Variants in DLGAP4 observed in about 807,000 individuals in gnomAD.
DLGAP4 encodes disks large-associated protein 4.
In DLGAP4, 18 loss-of-function variants were observed where a neutral mutation model predicts 86.9. The observed-to-expected ratio is 0.21, with a 90% CI of 0.14 to 0.31. DLGAP4 has a LOEUF of 0.31. Among genes scored for constraint, DLGAP4 ranks in the 10% least tolerant of loss-of-function variants. The pLI, the probability that DLGAP4 is intolerant of heterozygous loss-of-function variation, is 1.00. For missense variants in DLGAP4, 1,085 were observed against 1,362.6 expected (o/e 0.80, Z 3.21); for synonymous variants, 548 against 574.3 (o/e 0.95, Z 0.65).
At chr20:36,472,762 G>C (rs1035323009) in intron 7 of DLGAP4, among the ~76,000 whole-genome samples, 1 of 152,186 alleles carries the variant, frequency 6.6e-6, no homozygotes, top group African/African-American at 2.4e-5. Flanking sequence ...TGGCAAAGCA[G>C]GAAGCAGCCA....
intron 7 of DLGAP4, among the ~76,000 whole-genome samples, chr20:36,470,287 G>A (rs2147660227): frequency 6.6e-6 from 1 of 152,136 alleles, no homozygotes; most frequent in Non-Finnish European, 1.5e-5. Flanking sequence ...GTCTTCCCTG[G>A]CACTCTCCTC....
chr20:36,384,149 T>C (rs2031511578), intron 2 of DLGAP4, among the ~76,000 whole-genome samples: 1 of 152,096 alleles, frequency 6.6e-6, no homozygotes, highest in African/African-American at 2.4e-5. Context: ...GCTGTGCTGT[T>C]TGGGGTGCGG....
intron 12 of DLGAP4, among the ~76,000 whole-genome samples, chr20:36,526,440 G>T (rs993708348): frequency 7.9e-5 from 12 of 152,064 alleles, no homozygotes; most frequent in African/African-American, 2.9e-4. Context: ...CCGTGGCCCT[G>T]TCTAATCCCC....
At chr20:36,436,455 C>T (rs1296486348) in intron 4 of DLGAP4, 105 bp downstream of exon 4, 10 of 1,420,228 alleles carry the variant, frequency 7.0e-6, no homozygotes, top group Non-Finnish European at 8.3e-6. Flanking sequence ...GCCCCGCCTG[C>T]GTGGGAGCCA....
At chr20:36,426,877 G>T (rs1480981912) in intron 2 of DLGAP4, among the ~76,000 whole-genome samples, 1 of 151,978 alleles carries the variant, frequency 6.6e-6, no homozygotes, top group Non-Finnish European at 1.5e-5. Context: ...TTGCTTTTGG[G>T]GTTATGAAAA....
chr20:36,309,775 A>C (rs1436757046), intron 1 of DLGAP4, among the ~76,000 whole-genome samples: 2 of 152,150 alleles, frequency 1.3e-5, no homozygotes, highest in African/African-American at 4.8e-5. Context: ...TCCATTTCCT[A>C]GTCCTCTGTC....
rs927597097 is a variant in DLGAP4, at chr20:36,431,296, GGAAA to G, written c.-72-347_-72-344del. 2.0e-5 allele frequency among the ~76,000 whole-genome samples: 3 copies of G among 151,900 alleles called. No individual in the cohort carries two copies. The highest frequency in any genetic ancestry group is 4.4e-5 in the Non-Finnish European group (3 of 68,016). ...CGGGGTGAGGGACAGAGTCAGAAAC[GGAAA>G]GAGAGTGGAGGATGGGCAGCCCCCC... On this transcript the variant is annotated intron_variant, in intron 2 of 12. Coordinates refer to ENST00000339266, the MANE Select transcript of DLGAP4 (RefSeq NM_001365621.2). The surrounding 1 kb of genome is among the most constrained non-coding windows in gnomAD (Gnocchi z 5.1).
In DLGAP4 at chr20:36,527,962, T is replaced by C. The variant is rs1379709434; in HGVS notation, c.*931T>C. 1 of 152,070 alleles carries C rather than the reference T, an allele frequency of 6.6e-6. No homozygotes were observed. Among genetic ancestry groups the C allele is most frequent in the Non-Finnish European group, 1.5e-5 (1 of 67,944 alleles). The allele number at this position is 152,070 out of a possible 1,614,324, so 9.4% of individuals were successfully genotyped here. A position where few individuals can be genotyped will look rare whatever the true frequency, so the allele number is the denominator to read the frequency against. On this transcript the variant is annotated 3_prime_UTR_variant, in exon 13 of 13. Coordinates refer to ENST00000339266, the MANE Select transcript of DLGAP4 (RefSeq NM_001365621.2). Reference sequence around the variant, plus strand: ...GTACATATGCACATAGACCTTAGAGTGTATAGTTAACAAACGCCCATCTGC... The same window carrying C: ...GTACATATGCACATAGACCTTAGAGCGTATAGTTAACAAACGCCCATCTGC...
intron 10 of DLGAP4, among the ~76,000 whole-genome samples, chr20:36,522,882 GGTCTCA>G (rs2037464956): frequency 6.6e-6 from 1 of 152,096 alleles, no homozygotes; most frequent in South Asian, 2.1e-4. Flanking sequence ...GTGGGGGCAA[GGTCTCA>G]CTTTGTCACT....
chr20:36,449,601 C>T (rs545173561), intron 7 of DLGAP4, among the ~76,000 whole-genome samples: 4 of 152,244 alleles, frequency 2.6e-5, no homozygotes, highest in South Asian at 2.1e-4. Context: ...CCAAAGGGGC[C>T]GTGGGTGAAG....
intron 7 of DLGAP4, among the ~76,000 whole-genome samples, chr20:36,450,481 A>G (rs1460939197): frequency 6.6e-6 from 1 of 152,020 alleles, no homozygotes; most frequent in Non-Finnish European, 1.5e-5. Flanking sequence ...CTGGGCAACA[A>G]AAGTGAGACT....
At chr20:36,505,453 G>A (rs1422760127) in intron 10 of DLGAP4, among the ~76,000 whole-genome samples, 1 of 152,088 alleles carries the variant, frequency 6.6e-6, no homozygotes, top group Admixed American at 6.6e-5. Flanking sequence ...CTTGTTTTAA[G>A]TAGGCTTTCT....
intron 2 of DLGAP4, among the ~76,000 whole-genome samples, chr20:36,403,023 GAA>G (rs1186059214): frequency 2.6e-5 from 4 of 152,222 alleles, no homozygotes; most frequent in African/African-American, 9.7e-5. Context: ...AAAGAGGACA[GAA>G]AGAGGGGTGG....
At chr20:36,379,446 A>G (rs1243802443) in intron 2 of DLGAP4, among the ~76,000 whole-genome samples, 1 of 152,228 alleles carries the variant, frequency 6.6e-6, no homozygotes, top group Non-Finnish European at 1.5e-5. Flanking sequence ...GGATGAGCAG[A>G]GAGCATCTCA....
chr20:36,326,367 A>G (rs147287092), intron 1 of DLGAP4, among the ~76,000 whole-genome samples: 2 of 152,338 alleles, frequency 1.3e-5, no homozygotes, highest in East Asian at 1.9e-4. Flanking sequence ...CTTGTTAATT[A>G]TAGCCATAAC....
intron 1 of DLGAP4, among the ~76,000 whole-genome samples, chr20:36,324,802 T>C (rs1290519301): frequency 6.6e-6 from 1 of 152,252 alleles, no homozygotes; most frequent in East Asian, 1.9e-4. Context: ...ACCTGTTTCA[T>C]TCCTGATATT....
At chr20:36,365,671 T>C (rs1334839765) in intron 1 of DLGAP4, among the ~76,000 whole-genome samples, 1 of 152,204 alleles carries the variant, frequency 6.6e-6, no homozygotes, top group African/African-American at 2.4e-5. Flanking sequence ...GGAAATGAGG[T>C]AAAGCCTGTT....
At chr20:36,483,185 T>A (rs999387314) in intron 7 of DLGAP4, among the ~76,000 whole-genome samples, 2 of 152,166 alleles carry the variant, frequency 1.3e-5, no homozygotes, top group Admixed American at 1.3e-4. Context: ...CAGATTCCAA[T>A]ACATAATGGG....
intron 7 of DLGAP4, among the ~76,000 whole-genome samples, chr20:36,465,832 G>C (rs1280335808): frequency 6.6e-6 from 1 of 152,120 alleles, no homozygotes; most frequent in East Asian, 1.9e-4. Context: ...TTGAGAAGTT[G>C]TTGCCTGTCC....
Sources: allele counts gnomAD v4.1 joint callset (sites outside exome capture counted in the v4.1 genomes callset), GRCh38; gene constraint gnomAD v4.1.1; non-coding constraint Gnocchi (gnomAD v3.1); transcripts MANE v1.5; gene names NCBI Gene and HGNC (gene_info 2026-07-23, HGNC 2026-07-21).